SP140L: variants seen among roughly 807,000 people sequenced by gnomAD.
SP140L encodes SP140 like nuclear body protein, also known as nuclear body protein SP140-like protein.
A neutral mutation model predicts 84.3 loss-of-function variants in SP140L; 64 were observed. That is an observed-to-expected ratio of 0.76 (90% CI 0.62 to 0.94). The LOEUF (loss-of-function observed/expected upper bound fraction) is 0.94, where lower values mean the gene tolerates loss of function less well. Ranked by LOEUF, SP140L falls within the 40% of genes least tolerant of loss-of-function variation. The pLI is 0.00. For synonymous variants in SP140L, 242 were observed against 236.9 expected (o/e 1.02, Z -0.20); for missense variants, 628 against 692.5 (o/e 0.91, Z 1.05).
Position 230,357,850 on chromosome 2 carries a change from C to T in SP140L, c.153C>T (p.Asp51=). The change falls in exon 3 of 19, where the codon GAC becomes GAT. Residue 51 remains aspartate (D), a synonymous_variant. Coordinates refer to ENST00000415673, the MANE Select transcript of SP140L (RefSeq NM_138402.6). ...ATGTAGATGAGGGACTTGTCTATGA[C>T]ACTGTATTCAAGCACTTCAAAAGAC... ...DQDVDEGLVY[D]TVFKHFKRHK... 6.2e-7 allele frequency: 1 copy of T among 1,613,990 alleles called. No individual in the cohort carries two copies. Among genetic ancestry groups the T allele is most frequent in the Non-Finnish European group, 8.5e-7 (1 of 1,179,912 alleles).
At chr2:230,363,520 T>TG (rs2060783669) in intron 5 of SP140L, among the ~76,000 whole-genome samples, 2 of 76,162 alleles carry the variant, frequency 2.6e-5, no homozygotes, top group African/African-American at 6.1e-5. Flanking sequence ...TATTTGTTTT[T>TG]GTTTTTTTTT....
intron 1 of SP140L, 135 bp downstream of exon 1, chr2:230,327,436 G>T: frequency 1.0e-6 from 1 of 1,002,622 alleles, no homozygotes. Flanking sequence ...GTAATATAAT[G>T]GAATAAAAGA....
chr2:230,335,972 G>T (rs1218917872), intron 2 of SP140L, among the ~76,000 whole-genome samples: 1 of 152,166 alleles, frequency 6.6e-6, no homozygotes, highest in African/African-American at 2.4e-5. Context: ...TTGTGAGTGT[G>T]CTCAAAAGAA....
At chr2:230,397,114 T>C (rs956962100) in intron 14 of SP140L, among the ~76,000 whole-genome samples, 46 of 152,150 alleles carry the variant, frequency 3.0e-4, no homozygotes, top group African/African-American at 1.1e-3. Flanking sequence ...GAAGTGGTAA[T>C]GGATAGGGCT....
intron 2 of SP140L, 30 bp from the exon 3 acceptor site, chr2:230,357,775 C>A (rs1262689677): frequency 1.3e-6 from 2 of 1,585,990 alleles, no homozygotes; most frequent in East Asian, 2.2e-5. Context: ...ATCTTGATGA[C>A]CATTTTCATT....
intron 1 of SP140L, among the ~76,000 whole-genome samples, chr2:230,327,765 A>C (rs2059619381): frequency 6.6e-6 from 1 of 152,180 alleles, no homozygotes; most frequent in Admixed American, 6.5e-5. Flanking sequence ...CAGGGTAAAC[A>C]GCTGGCTTAC....
At chr2:230,366,011 G>T (rs912657279) in intron 5 of SP140L, among the ~76,000 whole-genome samples, 1 of 151,936 alleles carries the variant, frequency 6.6e-6, no homozygotes, top group South Asian at 2.1e-4. Context: ...TTCAACCTTC[G>T]TGACTTTAAG....
intron 2 of SP140L, among the ~76,000 whole-genome samples, chr2:230,346,294 T>G (rs1377441059): frequency 6.6e-6 from 1 of 152,188 alleles, no homozygotes; most frequent in Non-Finnish European, 1.5e-5. Context: ...AAGTTATGCT[T>G]TCCTTGCTGC....
At chr2:230,380,117 C>T (rs1164729650) in intron 7 of SP140L, among the ~76,000 whole-genome samples, 1 of 152,144 alleles carries the variant, frequency 6.6e-6, no homozygotes, top group African/African-American at 2.4e-5. Flanking sequence ...ACTGGGGAGG[C>T]TTCACAATCA....
chr2:230,367,008 G>A lies in SP140L; in HGVS notation c.524-3900G>A, dbSNP rs534506773. Among the ~76,000 whole-genome samples, 12 of 152,060 alleles carry A rather than the reference G, an allele frequency of 7.9e-5. No individual in the cohort carries two copies. The South Asian group carries it at 2.3e-3, about 29-fold the overall frequency. On this transcript the variant is annotated intron_variant, in intron 5 of 18. Coordinates refer to ENST00000415673, the MANE Select transcript of SP140L (RefSeq NM_138402.6). ...CTCCCAAAGTGCTAGGATTACAGGC[G>A]TGAGCCACCATGCCCAGCCTGCTTT...
chr2:230,392,255 C>G (rs1353972986), intron 12 of SP140L, 26 bp downstream of exon 12: 1 of 1,612,446 alleles, frequency 6.2e-7, no homozygotes, highest in Admixed American at 1.7e-5. Flanking sequence ...GAGGCCAGAC[C>G]TGTGCCCATT....
intron 5 of SP140L, among the ~76,000 whole-genome samples, chr2:230,369,668 C>T (rs964887554): frequency 1.3e-5 from 2 of 152,166 alleles, no homozygotes; most frequent in Non-Finnish European, 2.9e-5. Context: ...GTAGGACTGC[C>T]ACTGATGGGC....
rs566824031 is a variant in SP140L, at chr2:230,354,939, AAAAAG to A, written c.108-2862_108-2858del. On this transcript the variant is annotated intron_variant, in intron 2 of 18. Coordinates refer to ENST00000415673, the MANE Select transcript of SP140L (RefSeq NM_138402.6). The stretch of plus-strand genomic sequence containing the variant: ...AGAAAAAGAAAGAAAAAAGAAAAAG[AAAAAG>A]AAAGAAAGAGAAAGAAAGGGAAAGA... Among the ~76,000 whole-genome samples the A allele has an allele frequency of 5.9e-3, 895 of 152,046 alleles. 14 individuals are homozygous for A. Among genetic ancestry groups the A allele is most frequent in the African/African-American group, 0.02 (825 of 41,492 alleles).
chr2:230,392,409 TGA>T (rs1429635778), intron 12 of SP140L, among the ~76,000 whole-genome samples, 180 bp downstream of exon 12: 2 of 152,200 alleles, frequency 1.3e-5, no homozygotes, highest in Admixed American at 1.3e-4. Context: ...TGCAACACAC[TGA>T]TGTTGTACCA....
At chr2:230,399,331 T>C (rs1385455597) in intron 14 of SP140L, among the ~76,000 whole-genome samples, 1 of 152,208 alleles carries the variant, frequency 6.6e-6, no homozygotes, top group African/African-American at 2.4e-5. Context: ...TTGTGAGAAA[T>C]GGAGAATTCA....
intron 7 of SP140L, chr2:230,372,746 A>T (rs2061125867): frequency 6.6e-6 from 1 of 150,698 alleles, no homozygotes; most frequent in Non-Finnish European, 1.5e-5. Context: ...AAAAAAAAAA[A>T]AGAAAGAGTC....
At position 230,328,771 on chromosome 2, in the gene SP140L, G is replaced by T. The variant is rs753983685; in HGVS notation, c.47G>T (p.Gly16Val). ...SDLSTRGLNG[G>V]VSQVANEMNH... Reference sequence around the variant, plus strand: ...TGTCTTTTTAGGGGGCTGAACGGAGGTGTTTCACAAGTAGCAAATGAGATG... The same window carrying T: ...TGTCTTTTTAGGGGGCTGAACGGAGTTGTTTCACAAGTAGCAAATGAGATG... The change falls in exon 2 of 19, where the codon GGT (glycine) becomes GTT (valine). Residue 16 changes from glycine (G) to valine (V), a missense_variant. This residue lies in a region of SP140L where 525 missense variants were observed against 518.4 expected (regional missense o/e 1.01). Coordinates refer to ENST00000415673, the MANE Select transcript of SP140L (RefSeq NM_138402.6). 3.7e-6 allele frequency: 6 copies of T among 1,612,632 alleles called. No individual in the cohort carries two copies. Among genetic ancestry groups the T allele is most frequent in the Non-Finnish European group, 5.1e-6 (6 of 1,179,268 alleles).
intron 5 of SP140L, among the ~76,000 whole-genome samples, chr2:230,367,449 C>T (rs2060923723): frequency 6.6e-6 from 1 of 151,806 alleles, no homozygotes; most frequent in Non-Finnish European, 1.5e-5. Flanking sequence ...CGTGCCACCA[C>T]ACATGGCTAA....
At chr2:230,357,565 G>T (rs992645363) in intron 2 of SP140L, among the ~76,000 whole-genome samples, 2 of 152,050 alleles carry the variant, frequency 1.3e-5, no homozygotes, top group African/African-American at 4.8e-5. Context: ...CAATGACTTT[G>T]TTCAGTTTAG....
Sources: gnomAD v4.1 joint callset for allele counts (sites outside exome capture counted in the v4.1 genomes callset) on GRCh38, gnomAD v4.1.1 for gene constraint, gnomAD v4.1.1 regional missense constraint, MANE v1.5 for transcripts, NCBI Gene and HGNC (gene_info 2026-07-23, HGNC 2026-07-21) for gene names.